GATAD1: variants seen among roughly 807,000 people sequenced by gnomAD.
GATAD1 encodes the protein GATA zinc finger domain containing 1, also known as GATA zinc finger domain-containing protein 1.
GATAD1 carries 12 observed loss-of-function variants against 26.5 expected under a neutral mutation model. That is an observed-to-expected ratio of 0.45 (90% CI 0.29 to 0.73). The LOEUF is 0.73. Ranked by LOEUF, GATAD1 falls within the 30% of genes least tolerant of loss-of-function variation. The pLI, the probability that GATAD1 is intolerant of heterozygous loss-of-function variation, is 0.10. For synonymous variants in GATAD1, 129 were observed against 133.1 expected (o/e 0.97, Z 0.21); for missense variants, 266 against 342.1 (o/e 0.78, Z 1.75).
At chr7:92,469,859 G>C in the GATAD1 span, 1 of 776,118 alleles carries the variant, frequency 1.3e-6, no homozygotes, top group South Asian at 1.3e-5. Context: ...ACCTCATGGA[G>C]CCCAGTGAGG....
chr7:92,450,643 A>T (rs2115855014), intron 2 of GATAD1, 58 bp from the exon 3 acceptor site: 1 of 1,134,980 alleles, frequency 8.8e-7, no homozygotes, highest in East Asian at 2.4e-5. Flanking sequence ...AGGGCTGGGA[A>T]AATGCCTGTA....
the GATAD1 span, among the ~76,000 whole-genome samples, chr7:92,482,676 G>A: frequency 1.3e-5 from 2 of 152,088 alleles, no homozygotes; most frequent in African/African-American, 4.8e-5. Flanking sequence ...GAGGCTTTGG[G>A]TTGGGAAGAA....
the GATAD1 span, chr7:92,489,653 A>G: frequency 7.5e-6 from 11 of 1,463,300 alleles, no homozygotes; most frequent in Non-Finnish European, 1.1e-5. Context: ...AATATATATC[A>G]AAAGGGTGAA....
chr7:92,463,867 A>T (rs576839124), downstream of GATAD1, among the ~76,000 whole-genome samples: 74 of 150,320 alleles, frequency 4.9e-4, no homozygotes, highest in Non-Finnish European at 5.9e-4. Flanking sequence ...TGCTGGGAGG[A>T]TGAGGCCTAG....
chr7:92,455,924 G>A (rs190639003), intron 4 of GATAD1, among the ~76,000 whole-genome samples: 1 of 152,264 alleles, frequency 6.6e-6, no homozygotes, highest in Non-Finnish European at 1.5e-5. Context: ...CTACAGCGAG[G>A]CAGCATGGCA....
chr7:92,466,027 A>T, the GATAD1 span, among the ~76,000 whole-genome samples: 1 of 152,186 alleles, frequency 6.6e-6, no homozygotes. Flanking sequence ...AAGAAAAGCT[A>T]CAACCTTAAT....
At chr7:92,450,600 A>G (rs747483104) in intron 2 of GATAD1, 101 bp from the exon 3 acceptor site, 1 of 699,352 alleles carries the variant, frequency 1.4e-6, no homozygotes, top group Middle Eastern at 2.4e-4. Context: ...CAAACAATAC[A>G]TTTTAGTACT....
At chr7:92,489,338 G>A in the GATAD1 span, 2 of 1,612,892 alleles carry the variant, frequency 1.2e-6, no homozygotes, top group Non-Finnish European at 8.5e-7. Flanking sequence ...GGATGGTCTT[G>A]TGTGACCAAG....
chr7:92,477,782 G>C, the GATAD1 span: 1 of 181,878 alleles, frequency 5.5e-6, no homozygotes, highest in Non-Finnish European at 1.1e-5. Context: ...GGGAGTCAGC[G>C]GCAGGTCTGC....
At chr7:92,465,280 A>G in the GATAD1 span, 1 of 152,248 alleles carries the variant, frequency 6.6e-6, no homozygotes, top group Non-Finnish European at 1.5e-5. Flanking sequence ...ATCCCTGCAC[A>G]TGGCTGAACT....
At chr7:92,474,412 C>T in the GATAD1 span, among the ~76,000 whole-genome samples, 1 of 152,190 alleles carries the variant, frequency 6.6e-6, no homozygotes, top group South Asian at 2.1e-4. Context: ...ATTTTCTTCC[C>T]TTCCCTGTGT....
the GATAD1 span, chr7:92,487,568 AT>A: frequency 9.5e-7 from 1 of 1,056,588 alleles, no homozygotes; most frequent in Non-Finnish European, 1.5e-6. Flanking sequence ...ATAATTTAAT[AT>A]GTATAAATAC....
the GATAD1 span, chr7:92,487,542 C>T: frequency 6.7e-7 from 1 of 1,487,932 alleles, no homozygotes; most frequent in South Asian, 1.2e-5. Flanking sequence ...GCTTTCATAT[C>T]TGAAAAAAGA....
the GATAD1 span, among the ~76,000 whole-genome samples, chr7:92,466,887 G>T: frequency 1.3e-5 from 2 of 152,066 alleles, no homozygotes; most frequent in African/African-American, 4.8e-5. Flanking sequence ...TTAAGATTAG[G>T]CTGTTACCCT....
chr7:92,447,973 A>C lies in GATAD1; in HGVS notation c.244A>C (p.Lys82Gln). ...GCAGAGCAACGGGGGCGGGGGCGGC[A>C]AGCAGGTGAGCTCCTCCGGCCCCTC... ...PPQSNGGGGG[K>Q]QSKQEIHRRS... The change falls in exon 1 of 5, where the codon AAG becomes CAG. Residue 82 changes from lysine to glutamine, a missense_variant. Physicochemically the swap from Lys to Gln is moderately conservative, Grantham distance 53. Transcript: ENST00000287957. 1 of 1,221,274 alleles carries C rather than the reference A, an allele frequency of 8.2e-7. No individual in the cohort carries two copies. The highest frequency in any genetic ancestry group is 1.0e-6 in the Non-Finnish European group (1 of 982,184). The allele number at this position is 1,221,274 out of a possible 1,614,324, so 75.7% of individuals were successfully genotyped here. A position where few individuals can be genotyped will look rare whatever the true frequency, so the allele number is the denominator to read the frequency against.
chr7:92,447,859 G>T lies in GATAD1; in HGVS notation c.130G>T (p.Ala44Ser). The change falls in exon 1 of 5, where the codon GCA (alanine) becomes TCA (serine). Residue 44 changes from alanine to serine, a missense_variant. Physicochemically the swap from Ala to Ser is moderately conservative, Grantham distance 99 (BLOSUM62 1). Coordinates refer to ENST00000287957, the MANE Select transcript of GATAD1 (RefSeq NM_021167.5). ...CCGGGGCGGCGCGGGCAGCGGGGGCGCAGGCTCGGGGGCGGCTGGAGGGAC... is the reference window on the plus strand; with the variant it reads ...CCGGGGCGGCGCGGGCAGCGGGGGCTCAGGCTCGGGGGCGGCTGGAGGGAC... The part of the protein sequence containing the change: ...TGRGGAGSGG[A>S]GSGAAGGTGG... 7.3e-7 allele frequency: 1 copy of T among 1,371,820 alleles called. No homozygotes were observed. The highest frequency in any genetic ancestry group is 9.4e-7 in the Non-Finnish European group (1 of 1,058,208). 85.0% of individuals were successfully genotyped at this position (1,371,820 alleles called of 1,614,324 possible).
At chr7:92,489,657 G>T in the GATAD1 span, 1 of 1,473,088 alleles carries the variant, frequency 6.8e-7, no homozygotes, top group Non-Finnish European at 9.5e-7. Flanking sequence ...TATATCAAAA[G>T]GGTGAAACAA....
At chr7:92,480,003 T>G in the GATAD1 span, among the ~76,000 whole-genome samples, 6 of 152,226 alleles carry the variant, frequency 3.9e-5, no homozygotes, top group East Asian at 9.7e-4. Flanking sequence ...TGCGAGTTTT[T>G]GGGCTCTATC....
At chr7:92,491,028 C>CAAAGA in the GATAD1 span, among the ~76,000 whole-genome samples, 3 of 152,188 alleles carry the variant, frequency 2.0e-5, no homozygotes, top group Admixed American at 1.3e-4. Context: ...AGAGAAACCT[C>CAAAGA]AAAGAAACCA....
Sources: allele counts gnomAD v4.1 joint callset (sites outside exome capture counted in the v4.1 genomes callset), GRCh38; gene constraint gnomAD v4.1.1; transcripts MANE v1.5; gene names NCBI Gene and HGNC (gene_info 2026-07-23, HGNC 2026-07-21).